Variants in ARHGEF4 observed in about 807,000 individuals in gnomAD.
The protein encoded by ARHGEF4 is Rho guanine nucleotide exchange factor 4, also known as APC-stimulated guanine nucleotide exchange factor 1.
ARHGEF4 carries 119 observed loss-of-function variants against 162.0 expected under a neutral mutation model. The observed-to-expected ratio is 0.73, with a 90% CI of 0.63 to 0.86. The LOEUF is 0.86. Among genes scored for constraint, ARHGEF4 ranks in the 40% least tolerant of loss-of-function variants. ARHGEF4 has a pLI of 0.00. For synonymous variants in ARHGEF4, 1,014 were observed against 979.9 expected (o/e 1.03, Z -0.65); for missense variants, 2,488 against 2,456.0 (o/e 1.01, Z -0.28).
Position 131,044,561 on chromosome 2 carries a change from C to A in ARHGEF4, c.5401+19C>A. The stretch of plus-strand genomic sequence containing the variant: ...GAGACAGGTTCGAGACCCTGCTGGG[C>A]CTTGCCCCGCCCCCAGGGCCCACCC... On this transcript the variant is annotated intron_variant, in intron 12 of 13. Transcript: ENST00000409359. 3.2e-6 allele frequency: 5 copies of A among 1,542,126 alleles called. No individual in the cohort carries two copies. The highest frequency in any genetic ancestry group is 2.7e-5 in the African/African-American group (2 of 72,992).
intron 1 of ARHGEF4, among the ~76,000 whole-genome samples, chr2:130,852,636 G>A (rs117573315): frequency 4.6e-5 from 7 of 152,170 alleles, no homozygotes; most frequent in South Asian, 2.1e-4. Context: ...GGAGGCGAGC[G>A]AGCACGATGT....
intron 4 of ARHGEF4, among the ~76,000 whole-genome samples, chr2:131,003,828 A>G (rs1687931719): frequency 1.3e-5 from 2 of 152,204 alleles, no homozygotes; most frequent in African/African-American, 4.8e-5. Flanking sequence ...TCTGGGAAGT[A>G]GGCTTTTCTG....
Position 130,867,329 on chromosome 2 carries a change from C to T in ARHGEF4, c.39+30337C>T, listed in dbSNP as rs1035686171. Among the ~76,000 whole-genome samples the T allele has an allele frequency of 4.6e-5, 7 of 151,946 alleles. No homozygotes were observed. The South Asian group carries it at 1.5e-3, about 32-fold the overall frequency. ...TCTCGGCTCACTGCAACCTCCGTCTCCCGGGTTCAAGTGATTCTCCTGCCT... is the reference window on the plus strand; with the variant it reads ...TCTCGGCTCACTGCAACCTCCGTCTTCCGGGTTCAAGTGATTCTCCTGCCT... On this transcript the variant is annotated intron_variant, in intron 1 of 13. Transcript: ENST00000409359.
rs560793972 is a variant in ARHGEF4 at position 130,971,159 on chromosome 2, G to T, written c.3985+24524G>T. 3.7e-4 allele frequency among the ~76,000 whole-genome samples: 56 copies of T among 152,162 alleles called. No homozygotes were observed. In the South Asian group the frequency reaches 9.7e-3, roughly 26 times the overall value. ...ATGTCCAATTTTTATAGCACCATTT[G>T]TTAAAAAGACTTTTTTTCTCCATTA... On this transcript the variant is annotated intron_variant, in intron 4 of 13. Coordinates refer to ENST00000409359, the MANE Select transcript of ARHGEF4 (RefSeq NM_001367493.1).
At chr2:130,888,299 C>T (rs1679642325) in intron 1 of ARHGEF4, among the ~76,000 whole-genome samples, 1 of 151,974 alleles carries the variant, frequency 6.6e-6, no homozygotes, top group Non-Finnish European at 1.5e-5. Context: ...TGGTGAAACC[C>T]CGTCTCTACT....
At chr2:130,964,101 C>T in intron 4 of ARHGEF4, 2 of 905,278 alleles carry the variant, frequency 2.2e-6, no homozygotes, top group Non-Finnish European at 2.6e-6. Context: ...GCGATCTCGG[C>T]ACTAGCAGCA....
At chr2:130,881,917 G>A (rs1007447032) in intron 1 of ARHGEF4, among the ~76,000 whole-genome samples, 1 of 152,062 alleles carries the variant, frequency 6.6e-6, no homozygotes, top group African/African-American at 2.4e-5. Context: ...TGGCAAAACA[G>A]GTACCCCCTC....
intron 1 of ARHGEF4, among the ~76,000 whole-genome samples, chr2:130,892,705 G>A (rs1483322300): frequency 6.6e-6 from 1 of 152,166 alleles, no homozygotes; most frequent in Non-Finnish European, 1.5e-5. Context: ...CCAGAGCCAG[G>A]TTAGCCCTCC....
At chr2:130,960,493 A>G (rs1173287098) in intron 4 of ARHGEF4, among the ~76,000 whole-genome samples, 3 of 152,172 alleles carry the variant, frequency 2.0e-5, no homozygotes, top group Non-Finnish European at 4.4e-5. Context: ...TTAGGTTTGT[A>G]TAAGTTATGC....
intron 13 of ARHGEF4, chr2:131,045,831 G>A (rs545690181): frequency 1.4e-6 from 2 of 1,442,024 alleles, no homozygotes; most frequent in Non-Finnish European, 1.8e-6. Flanking sequence ...TCAGGCTGCT[G>A]CAGGAGGCCA....
intron 1 of ARHGEF4, among the ~76,000 whole-genome samples, chr2:130,904,993 C>G (rs982302428): frequency 6.6e-6 from 1 of 152,200 alleles, no homozygotes; most frequent in Non-Finnish European, 1.5e-5. Context: ...GCACGAGAAT[C>G]GCTTGAACAT....
At chr2:131,001,930 G>C (rs1395413282) in intron 4 of ARHGEF4, among the ~76,000 whole-genome samples, 1 of 152,200 alleles carries the variant, frequency 6.6e-6, no homozygotes, top group African/African-American at 2.4e-5. Flanking sequence ...TGAGGGGCAA[G>C]GCTTCAGCTC....
chr2:130,856,605 A>T (rs150904998), intron 1 of ARHGEF4, among the ~76,000 whole-genome samples: 29 of 152,296 alleles, frequency 1.9e-4, no homozygotes, highest in Non-Finnish European at 3.8e-4. Context: ...GCAATTGCAT[A>T]TTTTTTCTTC....
chr2:130,864,926 A>G (rs1682161394), intron 1 of ARHGEF4, among the ~76,000 whole-genome samples: 1 of 152,172 alleles, frequency 6.6e-6, no homozygotes, highest in African/African-American at 2.4e-5. Flanking sequence ...TGTCTGAAGC[A>G]CCTTTCCTTT....
intron 4 of ARHGEF4, among the ~76,000 whole-genome samples, chr2:131,024,600 G>A (rs1431266953): frequency 6.6e-6 from 1 of 152,146 alleles, no homozygotes; most frequent in Non-Finnish European, 1.5e-5. Flanking sequence ...AAGACCCTAG[G>A]GGAGAAGGTA....
rs572754827 is a variant in ARHGEF4 at position 130,880,023 on chromosome 2, A to C, written c.40-33963A>C. Among the ~76,000 whole-genome samples, 13 of 152,248 alleles carry C rather than the reference A, an allele frequency of 8.5e-5. No individual in the cohort carries two copies. In the East Asian group the frequency reaches 2.3e-3, roughly 27 times the overall value. On this transcript the variant is annotated intron_variant, in intron 1 of 13. Coordinates refer to ENST00000409359, the MANE Select transcript of ARHGEF4 (RefSeq NM_001367493.1). ...GATGGCCCTTCCTTGGGTCGAGTCC[A>C]TGTCTTGGCATTGTGAACCACGCTC...
intron 1 of ARHGEF4, among the ~76,000 whole-genome samples, chr2:130,857,173 G>A (rs994802517): frequency 6.6e-6 from 1 of 152,052 alleles, no homozygotes; most frequent in Non-Finnish European, 1.5e-5. Flanking sequence ...CGAAGCTTGC[G>A]GTGAGCCGAG....
At chr2:130,951,498 C>T (rs944658415) in intron 4 of ARHGEF4, among the ~76,000 whole-genome samples, 2 of 152,302 alleles carry the variant, frequency 1.3e-5, no homozygotes, top group Admixed American at 1.3e-4. Flanking sequence ...GTCGGTGGAG[C>T]AGTTGGAACA....
intron 4 of ARHGEF4, among the ~76,000 whole-genome samples, chr2:131,002,709 C>CAAAAAAAAAAA (rs66979991): frequency 1.9e-5 from 1 of 53,218 alleles, no homozygotes; most frequent in Non-Finnish European, 3.1e-5. Flanking sequence ...GACTCCGTCT[C>CAAAAAAAAAAA]AAAAAAAAAA....
Sources: gnomAD v4.1 joint callset for allele counts (sites outside exome capture counted in the v4.1 genomes callset) on GRCh38, gnomAD v4.1.1 for gene constraint, MANE v1.5 for transcripts, NCBI Gene and HGNC (gene_info 2026-07-23, HGNC 2026-07-21) for gene names.